CCDC62: variants seen among roughly 807,000 people sequenced by gnomAD.
CCDC62 encodes coiled-coil domain containing 62, also known as coiled-coil domain-containing protein 62.
CCDC62 carries 72 observed loss-of-function variants against 80.8 expected under a neutral mutation model. That is an observed-to-expected ratio of 0.89 (90% CI 0.74 to 1.08). The LOEUF is 1.08. Ranked by LOEUF, CCDC62 falls within the 50% of genes least tolerant of loss-of-function variation. CCDC62 has a pLI of 0.00. For missense variants in CCDC62, 704 were observed against 809.4 expected, an observed-to-expected ratio of 0.87 and a Z score of 1.58; for synonymous variants, 286 against 296.5, an observed-to-expected ratio of 0.96 and a Z score of 0.36.
At chr12:122,798,528 G>C (rs912911717) in intron 8 of CCDC62, among the ~76,000 whole-genome samples, 3 of 151,954 alleles carry the variant, frequency 2.0e-5, no homozygotes, top group African/African-American at 4.8e-5. Flanking sequence ...GCTTGAACCT[G>C]GGAGGTGGAG....
At chr12:122,823,283 A>G in intron 11 of CCDC62, 83 bp from the exon 12 acceptor site, 2 of 1,018,480 alleles carry the variant, frequency 2.0e-6, no homozygotes, top group Non-Finnish European at 3.1e-6. Context: ...TCTTAAAGGC[A>G]TTTCTGCTAT....
In CCDC62 at chr12:122,823,315, G is replaced by T. The variant is rs751029513; in HGVS notation, c.2002-51G>T. 1.8e-5 allele frequency: 25 copies of T among 1,374,342 alleles called. No homozygotes were observed. In the African/African-American group the frequency reaches 3.2e-4, roughly 17 times the overall value. The allele number at this position is 1,374,342 out of a possible 1,614,324, so 85.1% of individuals were successfully genotyped here. A position where few individuals can be genotyped will look rare whatever the true frequency, so the allele number is the denominator to read the frequency against. ...CTATATTTGTGTTTAGTCTTCTTAA[G>T]AATTTTTTAGTTTCTCTATCCTGAA... On this transcript the variant is annotated intron_variant, in intron 11 of 12. Coordinates refer to ENST00000253079, the MANE Select transcript of CCDC62 (RefSeq NM_201435.5).
chr12:122,824,435 C>A (rs905667328), intron 12 of CCDC62, among the ~76,000 whole-genome samples: 4 of 141,426 alleles, frequency 2.8e-5, no homozygotes, highest in South Asian at 2.3e-4. Context: ...AAACAAAAAA[C>A]CAAACAAACA....
At chr12:122,802,769 T>C (rs2031383915) in intron 9 of CCDC62, among the ~76,000 whole-genome samples, 1 of 151,886 alleles carries the variant, frequency 6.6e-6, no homozygotes, top group Non-Finnish European at 1.5e-5. Flanking sequence ...GGTGTACACC[T>C]GTAGTCCCAG....
chr12:122,774,737 C>G, intron 1 of CCDC62, 31 bp downstream of exon 1: 1 of 1,244,204 alleles, frequency 8.0e-7, no homozygotes, highest in South Asian at 4.0e-5. Context: ...CGGCGGGGCG[C>G]CGCGGGAACG....
chr12:122,796,086 T>C (rs997417563), intron 6 of CCDC62, among the ~76,000 whole-genome samples: 3 of 152,180 alleles, frequency 2.0e-5, no homozygotes, highest in African/African-American at 7.2e-5. Flanking sequence ...ACATTTATAT[T>C]TACATTGGCA....
chr12:122,820,061 C>CAAA (rs34620795), intron 11 of CCDC62, among the ~76,000 whole-genome samples: 1,196 of 57,614 alleles, frequency 0.021, 111 homozygotes, highest in African/African-American at 0.022. Context: ...GATCCTGTCT[C>CAAA]AAAAAAAAAA....
chr12:122,825,322 C>A (rs928886113), intron 12 of CCDC62, among the ~76,000 whole-genome samples: 10 of 136,298 alleles, frequency 7.3e-5, no homozygotes, highest in African/African-American at 2.5e-4. Context: ...ATTACAGGTG[C>A]GCATCACCAC....
In CCDC62 at chr12:122,781,299, C is replaced by T. The variant is rs765372582; in HGVS notation, c.365C>T (p.Thr122Met). 5.2e-5 allele frequency: 84 copies of T among 1,613,926 alleles called. No homozygotes were observed. The highest frequency in any genetic ancestry group is 6.7e-5 in the Non-Finnish European group (79 of 1,180,008). Residue 122 changes from threonine (T) to methionine (M), a missense_variant, in exon 3 of 13, where the codon ACG becomes ATG. Transcript: ENST00000253079. ...CTTCAGGAAATGGCTCAAAAGGCAA[C>T]GCATTCTTCTCTTCTCTCTGAAGAC... ...LQLQEMAQKA[T>M]HSSLLSEDLE...
At chr12:122,826,236 C>T (rs2032627156) in intron 12 of CCDC62, among the ~76,000 whole-genome samples, 186 bp from the exon 13 acceptor site, 1 of 151,960 alleles carries the variant, frequency 6.6e-6, no homozygotes, top group Non-Finnish European at 1.5e-5. Context: ...GTCCCCGCCC[C>T]CATCCCTCCT....
At chr12:122,812,166 G>A (rs1351507999) in intron 10 of CCDC62, among the ~76,000 whole-genome samples, 1 of 152,120 alleles carries the variant, frequency 6.6e-6, no homozygotes, top group Non-Finnish European at 1.5e-5. Context: ...AAGGGGGCTG[G>A]GTGCAGTGGC....
At chr12:122,798,459 C>T (rs2031098678) in intron 8 of CCDC62, among the ~76,000 whole-genome samples, 1 of 152,032 alleles carries the variant, frequency 6.6e-6, no homozygotes, top group Non-Finnish European at 1.5e-5. Flanking sequence ...AAACATTAGC[C>T]AGGCATAGTG....
At chr12:122,819,084 C>T (rs1047500954) in intron 11 of CCDC62, among the ~76,000 whole-genome samples, 4 of 152,094 alleles carry the variant, frequency 2.6e-5, no homozygotes, top group Non-Finnish European at 2.9e-5. Flanking sequence ...CTGTTGGCTC[C>T]AGATATCATA....
rs781517166 is a variant in CCDC62 at position 122,781,347 on chromosome 12, G to T, written c.396+17G>T. Reference sequence around the variant, plus strand: ...GACCTTGAGGTTGGGATTAGTTTTTGATAAGCTTCACTAGTCCAAATTCCC... The same window carrying T: ...GACCTTGAGGTTGGGATTAGTTTTTTATAAGCTTCACTAGTCCAAATTCCC... On this transcript the variant is annotated intron_variant, in intron 3 of 12. Coordinates refer to ENST00000253079, the MANE Select transcript of CCDC62 (RefSeq NM_201435.5). The T allele has an allele frequency of 7.5e-6, 12 of 1,609,360 alleles. No homozygotes were observed. In the Admixed American group the frequency reaches 2.0e-4, roughly 27 times the overall value.
intron 2 of CCDC62, among the ~76,000 whole-genome samples, chr12:122,778,102 C>A (rs1314073629): frequency 1.3e-5 from 2 of 152,256 alleles, no homozygotes; most frequent in Admixed American, 6.5e-5. Context: ...CACAGTGGCT[C>A]ACACCTGTAA....
intron 6 of CCDC62, 61 bp from the exon 7 acceptor site, chr12:122,797,240 TTGGAAA>T (rs1289497434): frequency 7.8e-6 from 6 of 771,842 alleles, no homozygotes; most frequent in South Asian, 1.4e-5. Context: ...CATTAAATTG[TTGGAAA>T]TGGAGAGGTT....
chr12:122,812,777 G>GAAAGACAGAAAGAAAGAAAGAA (rs1555257980), intron 10 of CCDC62, among the ~76,000 whole-genome samples: 1 of 57,760 alleles, frequency 1.7e-5, no homozygotes. Flanking sequence ...GAGAGAGAGA[G>GAAAGACAGAAAGAAAGAAAGAA]AGAAAGAAAG....
At chr12:122,809,232 G>A (rs2031759895) in intron 10 of CCDC62, among the ~76,000 whole-genome samples, 1 of 152,232 alleles carries the variant, frequency 6.6e-6, no homozygotes, top group Non-Finnish European at 1.5e-5. Context: ...GCTCATGCCT[G>A]TAATCCCAGC....
At chr12:122,815,341 A>C (rs2032117776) in intron 11 of CCDC62, among the ~76,000 whole-genome samples, 1 of 152,028 alleles carries the variant, frequency 6.6e-6, no homozygotes, top group Admixed American at 6.6e-5. Context: ...AGCCTCCCAA[A>C]GTGCTGGGAT....
Sources: gnomAD v4.1 joint callset for allele counts (sites outside exome capture counted in the v4.1 genomes callset) on GRCh38, gnomAD v4.1.1 for gene constraint, MANE v1.5 for transcripts, NCBI Gene and HGNC (gene_info 2026-07-23, HGNC 2026-07-21) for gene names.